Variants in SLC5A1 observed in about 807,000 individuals in gnomAD.
SLC5A1 encodes solute carrier family 5 member 1, also known as sodium/glucose cotransporter 1.
Under a neutral mutation model 73.5 loss-of-function variants are expected in SLC5A1, and 42 were observed. The observed-to-expected ratio is 0.57, with a 90% CI of 0.45 to 0.74. The LOEUF (loss-of-function observed/expected upper bound fraction) is 0.74, where lower values mean the gene tolerates loss of function less well. Ranked by LOEUF, SLC5A1 falls within the 30% of genes least tolerant of loss-of-function variation. SLC5A1 has a pLI of 0.00. For synonymous variants in SLC5A1, 300 were observed against 317.4 expected (o/e 0.95, Z 0.58); for missense variants, 634 against 855.4 (o/e 0.74, Z 3.23).
intron 12 of SLC5A1, among the ~76,000 whole-genome samples, chr22:32,099,947 A>G (rs541543124): frequency 1.3e-5 from 2 of 152,352 alleles, no homozygotes; most frequent in African/African-American, 4.8e-5. Flanking sequence ...AATACAGCAC[A>G]TGATATGAGC....
intron 1 of SLC5A1, among the ~76,000 whole-genome samples, chr22:32,045,844 A>G (rs895552260): frequency 6.6e-6 from 1 of 152,214 alleles, no homozygotes; most frequent in Admixed American, 6.5e-5. Context: ...CCCTCAAGCC[A>G]GGGGTTGTTA....
In SLC5A1 at chr22:32,084,575, A is replaced by G. The variant is rs2094004997; in HGVS notation, c.801A>G (p.Arg267=). ...TPRADSFHIF[R]DPLTGDLPWP... ...GGGCCGACTCCTTCCACATCTTCCGAGATCCCCTCACGGGAGACCTCCCAT... is the reference window on the plus strand; with the variant it reads ...GGGCCGACTCCTTCCACATCTTCCGGGATCCCCTCACGGGAGACCTCCCAT... The change falls in exon 8 of 15, where the codon CGA becomes CGG. Residue 267 remains arginine, a synonymous_variant. Transcript: ENST00000266088. 1 of 1,614,218 alleles carries G rather than the reference A, an allele frequency of 6.2e-7. No homozygotes were observed. The highest frequency in any genetic ancestry group is 8.5e-7 in the Non-Finnish European group (1 of 1,180,030).
intron 11 of SLC5A1, among the ~76,000 whole-genome samples, chr22:32,095,578 C>T (rs539668783): frequency 6.6e-6 from 1 of 152,252 alleles, no homozygotes; most frequent in Non-Finnish European, 1.5e-5. Flanking sequence ...TGGACAAGGC[C>T]TTTTATCATT....
chr22:32,067,179 A>AC lies in SLC5A1; in HGVS notation c.312+141dup, dbSNP rs1399238408. The AC allele has an allele frequency of 7.4e-6, 5 of 678,480 alleles. No homozygotes were observed. The East Asian group carries it at 1.4e-4, about 19-fold the overall frequency. 42.0% of individuals were successfully genotyped at this position (678,480 alleles called of 1,614,324 possible). A position where few individuals can be genotyped will look rare whatever the true frequency, so the allele number is the denominator to read the frequency against. On this transcript the variant is annotated intron_variant, in intron 3 of 14. Transcript: ENST00000266088. ...AGGGTGCAGACAGAGGAGGGGCATG[A>AC]CTTCAGGAGCCTCAGGGCCCTGCTC...
chr22:32,101,895 A>C, intron 12 of SLC5A1, 127 bp from the exon 13 acceptor site: 1 of 751,370 alleles, frequency 1.3e-6, no homozygotes. Flanking sequence ...CTGGGTTCAG[A>C]CAGCCTGGAG....
At chr22:32,063,307 G>C (rs1296144505) in intron 2 of SLC5A1, among the ~76,000 whole-genome samples, 2 of 152,154 alleles carry the variant, frequency 1.3e-5, no homozygotes, top group African/African-American at 4.8e-5. Context: ...CCTCTTGGGA[G>C]GAGAAAGGAG....
intron 10 of SLC5A1, among the ~76,000 whole-genome samples, chr22:32,089,241 C>T (rs1250519650): frequency 2.0e-5 from 3 of 152,118 alleles, no homozygotes; most frequent in Admixed American, 2.0e-4. Flanking sequence ...TTCTATATCT[C>T]TGATAGTTTG....
At chr22:32,092,413 G>A (rs529884123) in intron 11 of SLC5A1, among the ~76,000 whole-genome samples, 6 of 152,138 alleles carry the variant, frequency 3.9e-5, no homozygotes, top group Admixed American at 2.6e-4. Flanking sequence ...ATAAACCTGC[G>A]TGTGCAAACA....
At position 32,110,249 on chromosome 22, in the gene SLC5A1, C is replaced by T; in HGVS notation, c.*36C>T. 6.8e-7 allele frequency: 1 copy of T among 1,466,998 alleles called. No homozygotes were observed. The highest frequency in any genetic ancestry group is 9.5e-7 in the Non-Finnish European group (1 of 1,047,176). 90.9% of individuals were successfully genotyped at this position (1,466,998 alleles called of 1,614,324 possible). ...TTGCTGTAGATTTACCATGGCTGGA[C>T]TCTTACTCACCTTCCTTTAGTCTCG... is the stretch of plus-strand genomic sequence containing the variant. On this transcript the variant is annotated 3_prime_UTR_variant, in exon 15 of 15. Transcript: ENST00000266088.
chr22:32,044,879 G>C (rs2093935126), intron 1 of SLC5A1, among the ~76,000 whole-genome samples: 1 of 152,150 alleles, frequency 6.6e-6, no homozygotes, highest in Non-Finnish European at 1.5e-5. Context: ...TCCATGGTAT[G>C]ATCTGGGCTC....
intron 11 of SLC5A1, among the ~76,000 whole-genome samples, chr22:32,095,845 T>C (rs2094025437): frequency 1.3e-5 from 2 of 152,248 alleles, no homozygotes; most frequent in Non-Finnish European, 2.9e-5. Context: ...TTAGGCCATT[T>C]ATATTCAACG....
intron 12 of SLC5A1, 44 bp downstream of exon 12, chr22:32,099,395 G>A (rs915084175): frequency 3.2e-6 from 5 of 1,562,420 alleles, no homozygotes; most frequent in Admixed American, 3.4e-5. Flanking sequence ...TTCTGGCATA[G>A]AAGTTTCCAT....
At chr22:32,068,640 C>A (rs1299143901) in intron 5 of SLC5A1, 40 bp downstream of exon 5, 9 of 1,338,448 alleles carry the variant, frequency 6.7e-6, no homozygotes, top group Non-Finnish European at 9.6e-6. Context: ...GTCTCAGAAG[C>A]TGCCACTCTC....
chr22:32,090,284 A>C (rs1316652314), intron 10 of SLC5A1, among the ~76,000 whole-genome samples: 1 of 152,140 alleles, frequency 6.6e-6, no homozygotes, highest in Non-Finnish European at 1.5e-5. Context: ...CTGCTAATGA[A>C]ATGAGCAGTC....
At chr22:32,100,464 A>C (rs970303962) in intron 12 of SLC5A1, among the ~76,000 whole-genome samples, 1 of 152,052 alleles carries the variant, frequency 6.6e-6, no homozygotes, top group Non-Finnish European at 1.5e-5. Context: ...GTCAGCTGTG[A>C]GTTTGTCATA....
chr22:32,103,726 A>AT (rs1007437395), intron 13 of SLC5A1, among the ~76,000 whole-genome samples: 11 of 151,924 alleles, frequency 7.2e-5, no homozygotes, highest in Middle Eastern at 3.4e-3. Context: ...TTGCCTCTTG[A>AT]TTTTTTTTTC....
chr22:32,056,326 G>C (rs936887762), intron 2 of SLC5A1, among the ~76,000 whole-genome samples: 6 of 151,930 alleles, frequency 3.9e-5, no homozygotes, highest in Admixed American at 2.0e-4. Context: ...TGACCAGTCT[G>C]TGTTTTAAGT....
chr22:32,087,574 A>G (rs1018427178), intron 10 of SLC5A1, among the ~76,000 whole-genome samples: 2 of 152,304 alleles, frequency 1.3e-5, no homozygotes, highest in Middle Eastern at 3.4e-3. Flanking sequence ...GCTTGTCACC[A>G]TAAAGAATCT....
intron 5 of SLC5A1, among the ~76,000 whole-genome samples, chr22:32,069,134 A>T (rs1247667725): frequency 6.6e-6 from 1 of 152,204 alleles, no homozygotes; most frequent in Non-Finnish European, 1.5e-5. Flanking sequence ...CCATGTCCAT[A>T]ACATGGATGA....
Sources: gnomAD v4.1 joint callset for allele counts (sites outside exome capture counted in the v4.1 genomes callset) on GRCh38, gnomAD v4.1.1 for gene constraint, MANE v1.5 for transcripts, NCBI Gene and HGNC (gene_info 2026-07-23, HGNC 2026-07-21) for gene names.